The following SLC35F2 variants were observed in gnomAD, a reference collection of about 807,000 sequenced individuals.
SLC35F2 encodes the protein solute carrier family 35 member F2.
A neutral mutation model predicts 38.1 loss-of-function variants in SLC35F2; 25 were observed. That is an observed-to-expected ratio of 0.66 (90% CI 0.48 to 0.92). SLC35F2 has a LOEUF of 0.92. Among genes scored for constraint, SLC35F2 ranks in the 40% least tolerant of loss-of-function variants. The pLI is 0.00. For missense variants in SLC35F2, 409 were observed against 452.9 expected, an observed-to-expected ratio of 0.90 and a Z score of 0.88; for synonymous variants, 173 against 181.7, an observed-to-expected ratio of 0.95 and a Z score of 0.38.
chr11:107,854,977 A>C (rs1299958169), intron 1 of SLC35F2, among the ~76,000 whole-genome samples: 1 of 152,140 alleles, frequency 6.6e-6, no homozygotes. Context: ...TCACAAAGCT[A>C]CTCAAACTTG....
chr11:107,803,710 G>A (rs1398334143), intron 6 of SLC35F2, among the ~76,000 whole-genome samples: 4 of 151,692 alleles, frequency 2.6e-5, no homozygotes, highest in Admixed American at 2.0e-4. Context: ...TGCTTGCCAC[G>A]TGGATGTTGA....
chr11:107,807,000 C>T (rs1859403233), intron 3 of SLC35F2, 124 bp from the exon 4 acceptor site: 1 of 820,686 alleles, frequency 1.2e-6, no homozygotes, highest in East Asian at 2.7e-5. Flanking sequence ...TTTATTATTG[C>T]CAGCCCTGTA....
At chr11:107,852,107 G>A (rs1860197018) in intron 1 of SLC35F2, among the ~76,000 whole-genome samples, 1 of 152,090 alleles carries the variant, frequency 6.6e-6, no homozygotes, top group Admixed American at 6.6e-5. Context: ...CAGACCTGTT[G>A]CTAGACAATA....
chr11:107,816,650 T>A (rs1565432723), intron 1 of SLC35F2, among the ~76,000 whole-genome samples: 1 of 152,092 alleles, frequency 6.6e-6, no homozygotes, highest in Non-Finnish European at 1.5e-5. Flanking sequence ...CAGAAGAGGC[T>A]AAAATAATAC....
In SLC35F2 at chr11:107,811,707, A is replaced by T; in HGVS notation, c.374T>A (p.Ile125Asn). 1 of 1,614,074 alleles carries T rather than the reference A, an allele frequency of 6.2e-7. No individual in the cohort carries two copies. The highest frequency in any genetic ancestry group is 1.1e-5 in the South Asian group (1 of 91,078). ...GLADVEANYVIVRAYQYTTLT... is the reference protein window; with the variant it reads ...GLADVEANYVNVRAYQYTTLT... The stretch of plus-strand genomic sequence containing the variant: ...AGTTGTGTACTGGTAGGCTCTGACG[A>T]TCACATAATTAGCTTCCACATCTGC... The change falls in exon 3 of 8, where the codon ATC becomes AAC. Residue 125 changes from isoleucine (I) to asparagine (N), a missense_variant. Ile to Asn is a moderately radical substitution (Grantham distance 149). Transcript: ENST00000525815.
In SLC35F2 at chr11:107,792,558, A is replaced by T; in HGVS notation, c.*57T>A. 1 of 1,532,344 alleles carries T rather than the reference A, an allele frequency of 6.5e-7. No individual in the cohort carries two copies. The allele number at this position is 1,532,344 out of a possible 1,614,324, so 94.9% of individuals were successfully genotyped here. A position where few individuals can be genotyped will look rare whatever the true frequency, so the allele number is the denominator to read the frequency against. ...CTGCTATTTCCCCAAGTGTCCCCTC[A>T]GCAGGCAGCAGGCTCTGCTTTATCC... is the stretch of plus-strand genomic sequence containing the variant. On this transcript the variant is annotated 3_prime_UTR_variant, in exon 8 of 8. Coordinates refer to ENST00000525815, the MANE Select transcript of SLC35F2 (RefSeq NM_017515.5).
In SLC35F2 at chr11:107,807,284, A is replaced by AC. The variant is rs202042253; in HGVS notation, c.415-409_415-408insG. ...ACCCTGTCTGTACAAAAAAAAAAAA[A>AC]AACAACAACAAAAAAAAACCTTGGG... On this transcript the variant is annotated intron_variant, in intron 3 of 7. Transcript: ENST00000525815. Among the ~76,000 whole-genome samples, 633 of 97,462 alleles carry AC rather than the reference A, an allele frequency of 6.5e-3. 25 individuals are homozygous for AC. In the East Asian group the frequency reaches 0.088, roughly 14 times the overall value. The allele number at this position is 97,462 out of a possible 152,430, so 63.9% of individuals were successfully genotyped here. A position where few individuals can be genotyped will look rare whatever the true frequency, so the allele number is the denominator to read the frequency against.
chr11:107,843,551 A>AG (rs1487098936), intron 1 of SLC35F2, among the ~76,000 whole-genome samples: 1 of 136,352 alleles, frequency 7.3e-6, no homozygotes, highest in African/African-American at 3.0e-5. Flanking sequence ...ACTTTGTCTC[A>AG]AAAAAAAAAA....
intron 1 of SLC35F2, among the ~76,000 whole-genome samples, chr11:107,820,128 CG>C (rs1184381435): frequency 6.6e-6 from 1 of 151,068 alleles, no homozygotes; most frequent in Non-Finnish European, 1.5e-5. Flanking sequence ...TGGTGGTACA[CG>C]CCTGTAATCC....
chr11:107,836,674 C>T (rs551449368), intron 1 of SLC35F2, among the ~76,000 whole-genome samples: 58 of 152,156 alleles, frequency 3.8e-4, no homozygotes, highest in Non-Finnish European at 7.1e-4. Context: ...ATTGATTCTC[C>T]CCTAAAACCT....
chr11:107,803,590 A>C (rs1458131337), intron 6 of SLC35F2: 3 of 780,694 alleles, frequency 3.8e-6, no homozygotes, highest in Non-Finnish European at 4.7e-6. Context: ...GATTCAGAAT[A>C]AAGTATCTTT....
At chr11:107,849,618 G>A (rs567856243) in intron 1 of SLC35F2, among the ~76,000 whole-genome samples, 13 of 145,444 alleles carry the variant, frequency 8.9e-5, no homozygotes, top group Admixed American at 3.6e-4. Flanking sequence ...CAGCCTGGGC[G>A]ACAGAGCAAG....
At chr11:107,852,523 C>A (rs1420802344) in intron 1 of SLC35F2, among the ~76,000 whole-genome samples, 4 of 145,036 alleles carry the variant, frequency 2.8e-5, no homozygotes, top group Admixed American at 7.2e-5. Context: ...TGCATTCCAG[C>A]TGGAGCAACA....
At chr11:107,842,944 G>C (rs150213106) in intron 1 of SLC35F2, among the ~76,000 whole-genome samples, 1 of 152,128 alleles carries the variant, frequency 6.6e-6, no homozygotes, top group African/African-American at 2.4e-5. Flanking sequence ...ATAAAGTGTG[G>C]TATATTCACA....
At chr11:107,827,541 G>A (rs868305329) in intron 1 of SLC35F2, among the ~76,000 whole-genome samples, 2 of 152,238 alleles carry the variant, frequency 1.3e-5, no homozygotes, top group African/African-American at 2.4e-5. Flanking sequence ...CTGAGCTCAG[G>A]AGTTCGAGAC....
chr11:107,807,211 G>A (rs1859406563), intron 3 of SLC35F2, among the ~76,000 whole-genome samples: 1 of 144,636 alleles, frequency 6.9e-6, no homozygotes, highest in Non-Finnish European at 1.5e-5. Flanking sequence ...GTGGCGGGCA[G>A]ACTGCTTGAG....
intron 1 of SLC35F2, among the ~76,000 whole-genome samples, chr11:107,829,677 C>CAAAAAAAAAAAAAAAAAAAAAACAAAA: frequency 1.1e-5 from 1 of 87,304 alleles, no homozygotes; most frequent in Non-Finnish European, 2.6e-5. Context: ...TGAAATCTCA[C>CAAAAAAAAAAAAAAAAAAAAAACAAAA]AAAAAAAAAA....
At chr11:107,818,186 C>G (rs1308962041) in intron 1 of SLC35F2, among the ~76,000 whole-genome samples, 3 of 151,714 alleles carry the variant, frequency 2.0e-5, no homozygotes, top group African/African-American at 7.3e-5. Flanking sequence ...AATCCCAACA[C>G]TTTGGGAGGC....
chr11:107,854,339 G>A (rs1160240106), intron 1 of SLC35F2, among the ~76,000 whole-genome samples: 1 of 151,926 alleles, frequency 6.6e-6, no homozygotes, highest in African/African-American at 2.4e-5. Flanking sequence ...AGGCTGAGGT[G>A]GGAGGATCAC....
Sources: gnomAD v4.1 joint callset for allele counts (sites outside exome capture counted in the v4.1 genomes callset) on GRCh38, gnomAD v4.1.1 for gene constraint, MANE v1.5 for transcripts, NCBI Gene and HGNC (gene_info 2026-07-23, HGNC 2026-07-21) for gene names.